ENTPD1: variants seen among roughly 807,000 people sequenced by gnomAD.
The protein encoded by ENTPD1 is ATP diphosphohydrolase.
ENTPD1 carries 33 observed loss-of-function variants against 57.0 expected under a neutral mutation model. The ratio of observed to expected loss-of-function variants is 0.58; its 90% CI spans 0.44 to 0.77. The LOEUF is 0.77. Among genes scored for constraint, ENTPD1 ranks in the 30% least tolerant of loss-of-function variants. The probability of loss-of-function intolerance (pLI) is 0.00; values close to 1 mark genes in which losing one functional copy is unlikely to be tolerated. For missense variants in ENTPD1, 501 were observed against 603.4 expected (o/e 0.83, Z 1.78); for synonymous variants, 202 against 218.8 (o/e 0.92, Z 0.68).
At chr10:95,761,661 T>G (rs1339519271) in intron 1 of ENTPD1, among the ~76,000 whole-genome samples, 1 of 152,200 alleles carries the variant, frequency 6.6e-6, no homozygotes, top group Non-Finnish European at 1.5e-5. Flanking sequence ...TCCTAGAAAC[T>G]GGAATCTTCA....
chr10:95,836,211 G>T (rs1350732109), intron 2 of ENTPD1, among the ~76,000 whole-genome samples: 2 of 152,104 alleles, frequency 1.3e-5, no homozygotes, highest in Non-Finnish European at 2.9e-5. Flanking sequence ...GTACCATGCT[G>T]TTTTAGTTAT....
At chr10:95,821,899 G>A (rs1453899113) in intron 1 of ENTPD1, among the ~76,000 whole-genome samples, 1 of 151,918 alleles carries the variant, frequency 6.6e-6, no homozygotes, top group Non-Finnish European at 1.5e-5. Context: ...GAGAGGAGGA[G>A]GTTGAGTTGT....
Position 95,747,940 on chromosome 10 carries a change from C to T in ENTPD1, c.37+35947C>T, listed in dbSNP as rs572079529. Among the ~76,000 whole-genome samples, 4 of 151,500 alleles carry T rather than the reference C, an allele frequency of 2.6e-5. No individual in the cohort carries two copies. In the East Asian group the frequency reaches 5.8e-4, roughly 22 times the overall value. On this transcript the variant is annotated intron_variant, in intron 1 of 9. Transcript: ENST00000453258. ...AGGCTGGAGTGCAGTGGCACCATCT[C>T]GGCTCACTGCAAGCTCTGCCTCCTG...
In ENTPD1 at chr10:95,842,470, C is replaced by T. The variant is rs2098424578; in HGVS notation, c.389C>T (p.Ala130Val). The T allele has an allele frequency of 6.2e-7, 1 of 1,613,896 alleles. No individual in the cohort carries two copies. The highest frequency in any genetic ancestry group is 2.2e-5 in the East Asian group (1 of 44,872). ...QHQETPVYLG[A>V]TAGMRLLRME... ...CAAGAGACACCCGTTTACCTGGGAG[C>T]CACGGCAGGCATGCGGTTGCTCAGG... Residue 130 changes from alanine to valine, a missense_variant, in exon 4 of 10, where the codon GCC becomes GTC. By Grantham distance (64) the Ala-to-Val change is moderately conservative (BLOSUM62 0). Transcript: ENST00000371205.
intron 1 of ENTPD1, among the ~76,000 whole-genome samples, chr10:95,767,763 G>A (rs1163330913): frequency 6.6e-6 from 1 of 152,030 alleles, no homozygotes; most frequent in Non-Finnish European, 1.5e-5. Flanking sequence ...TCAAGTCATT[G>A]GAAATATTCC....
chr10:95,770,228 TGA>T (rs754880507), intron 1 of ENTPD1, among the ~76,000 whole-genome samples: 16 of 106,190 alleles, frequency 1.5e-4, no homozygotes, highest in Admixed American at 1.9e-4. Context: ...CCAAGAAGAT[TGA>T]GAGAGAGAGA....
chr10:95,865,233 T>C lies in ENTPD1; in HGVS notation c.1326+372T>C, dbSNP rs555880905. 3.3e-5 allele frequency among the ~76,000 whole-genome samples: 5 copies of C among 152,366 alleles called. No homozygotes were observed. In the South Asian group the frequency reaches 1.0e-3, roughly 32 times the overall value. On this transcript the variant is annotated intron_variant, in intron 9 of 9. Transcript: ENST00000371205. The stretch of plus-strand genomic sequence containing the variant: ...GCCCCTTCCATAAGCTGGGAAAGTA[T>C]GATCATGGTTTCATCATCCTTGTTG...
At chr10:95,710,054 G>A (rs7903181), upstream of ENTPD1, among the ~76,000 whole-genome samples, 509 of 151,554 alleles carry the variant, frequency 3.4e-3, 2 homozygotes, top group African/African-American at 0.012. Flanking sequence ...GATTACAAGC[G>A]TAAGCCACTG....
chr10:95,871,954 C>A lies in ENTPD1; in HGVS notation c.*5571C>A. 2 of 985,436 alleles carry A rather than the reference C, an allele frequency of 2.0e-6. No individual in the cohort carries two copies. The highest frequency in any genetic ancestry group is 2.4e-6 in the Non-Finnish European group (2 of 829,918). The allele number at this position is 985,436 out of a possible 1,614,324, so 61.0% of individuals were successfully genotyped here. A position where few individuals can be genotyped will look rare whatever the true frequency, so the allele number is the denominator to read the frequency against. On this transcript the variant is annotated 3_prime_UTR_variant, in exon 10 of 10. Coordinates refer to ENST00000371205, the MANE Select transcript of ENTPD1 (RefSeq NM_001776.6). ...TAGTGTGTATTTGCAATTACCTAAA[C>A]TGAACTCTACCATTACTCCTAACCC...
intron 7 of ENTPD1, among the ~76,000 whole-genome samples, 180 bp downstream of exon 7, chr10:95,847,886 C>T (rs925364020): frequency 2.0e-5 from 3 of 152,182 alleles, no homozygotes. Flanking sequence ...TTTCCACTAT[C>T]GTTGTGATCT....
At chr10:95,837,964 A>G (rs1030593658) in intron 2 of ENTPD1, among the ~76,000 whole-genome samples, 3 of 151,470 alleles carry the variant, frequency 2.0e-5, no homozygotes, top group Non-Finnish European at 4.4e-5. Flanking sequence ...ATTCACACAC[A>G]CACACACACA....
chr10:95,756,307 GA>G (rs1360700165), intron 1 of ENTPD1, 52 bp downstream of exon 1: 1 of 1,535,900 alleles, frequency 6.5e-7, no homozygotes, highest in Non-Finnish European at 8.8e-7. Context: ...AAAATAGAAG[GA>G]AAAATAAAAG....
rs1339292797 is a variant in ENTPD1, at chr10:95,736,147, C to T, written c.37+24154C>T. 2.6e-5 allele frequency among the ~76,000 whole-genome samples: 4 copies of T among 151,914 alleles called. No homozygotes were observed. The East Asian group carries it at 7.7e-4, about 29-fold the overall frequency. On this transcript the variant is annotated intron_variant, in intron 1 of 9. Coordinates refer to the ENTPD1 transcript ENST00000453258. ...TCCAGAGTAGCTGGGATTACAGGCT[C>T]ATGCCACCATGCTAGGCTAATTTTT...
At chr10:95,760,605 G>A (rs918051193) in intron 1 of ENTPD1, among the ~76,000 whole-genome samples, 5 of 152,138 alleles carry the variant, frequency 3.3e-5, no homozygotes, top group African/African-American at 9.7e-5. Context: ...ATAAATCATT[G>A]TGATTGGTAT....
chr10:95,730,498 A>G (rs551055765), intron 1 of ENTPD1, among the ~76,000 whole-genome samples: 1 of 152,254 alleles, frequency 6.6e-6, no homozygotes, highest in East Asian at 1.9e-4. Context: ...ATATAAGGAC[A>G]AAAGAGGAAG....
chr10:95,738,820 G>A (rs1394767152), intron 1 of ENTPD1, among the ~76,000 whole-genome samples: 1 of 152,160 alleles, frequency 6.6e-6, no homozygotes, highest in African/African-American at 2.4e-5. Context: ...TAGGTGCTGT[G>A]GGATGTTGAA....
At chr10:95,859,194 A>G (rs919543185) in intron 7 of ENTPD1, among the ~76,000 whole-genome samples, 2 of 152,226 alleles carry the variant, frequency 1.3e-5, no homozygotes. Context: ...CACTGGGTTT[A>G]TGTCAATTGG....
intron 8 of ENTPD1, among the ~76,000 whole-genome samples, chr10:95,863,358 A>G (rs932782848): frequency 6.6e-6 from 1 of 152,202 alleles, no homozygotes; most frequent in Non-Finnish European, 1.5e-5. Context: ...GCATCCTTCA[A>G]TTGACAGGCC....
At chr10:95,844,354 C>A (rs2098429417) in intron 4 of ENTPD1, 122 bp from the exon 5 acceptor site, 9 of 1,367,274 alleles carry the variant, frequency 6.6e-6, no homozygotes. Flanking sequence ...CCCATCTCTT[C>A]ATTTATTCCA....
Sources: allele counts gnomAD v4.1 joint callset (sites outside exome capture counted in the v4.1 genomes callset), GRCh38; gene constraint gnomAD v4.1.1; transcripts MANE v1.5; gene names NCBI Gene and HGNC (gene_info 2026-07-23, HGNC 2026-07-21).